The following TMEM87A variants were observed in gnomAD, a reference collection of about 807,000 sequenced individuals.
TMEM87A encodes the protein transmembrane protein 87A.
In TMEM87A, 50 loss-of-function variants were observed where a neutral mutation model predicts 90.0. The observed-to-expected ratio is 0.56, with a 90% CI of 0.44 to 0.70. TMEM87A has a LOEUF of 0.70. Among genes scored for constraint, TMEM87A ranks in the 30% least tolerant of loss-of-function variants. The pLI, the probability that TMEM87A is intolerant of heterozygous loss-of-function variation, is 0.00. For missense variants in TMEM87A, 577 were observed against 660.5 expected (o/e 0.87, Z 1.39); for synonymous variants, 226 against 226.7 (o/e 1.00, Z 0.03).
chr15:42,231,924 ACAG>A (rs1382950641), intron 11 of TMEM87A: 7 of 1,260,066 alleles, frequency 5.6e-6, no homozygotes, highest in Non-Finnish European at 5.2e-6. Context: ...TACTATAGCA[ACAG>A]CAGAAGAAAG....
chr15:42,231,869 G>A, intron 11 of TMEM87A: 1 of 1,278,096 alleles, frequency 7.8e-7, no homozygotes, highest in Non-Finnish European at 1.0e-6. Context: ...GGCGTCAATT[G>A]CTGAGAGGGC....
At chr15:42,212,865 G>C (rs1368857601) in intron 19 of TMEM87A, among the ~76,000 whole-genome samples, 1 of 152,058 alleles carries the variant, frequency 6.6e-6, no homozygotes, top group Non-Finnish European at 1.5e-5. Context: ...ATTCATTTAA[G>C]GTCTTTTTCA....
chr15:42,232,177 G>A (rs2050696372), intron 11 of TMEM87A, among the ~76,000 whole-genome samples: 2 of 152,084 alleles, frequency 1.3e-5, no homozygotes, highest in South Asian at 4.2e-4. Flanking sequence ...AATTGAAATG[G>A]CCTAGAGAAC....
chr15:42,241,010 T>C (rs2050856809), intron 7 of TMEM87A, among the ~76,000 whole-genome samples: 1 of 152,188 alleles, frequency 6.6e-6, no homozygotes, highest in Admixed American at 6.5e-5. Context: ...TAATAAAGTT[T>C]TATTGGAACA....
intron 6 of TMEM87A, among the ~76,000 whole-genome samples, chr15:42,248,327 G>T (rs112833900): frequency 0.065 from 9,835 of 152,212 alleles, 409 homozygotes; most frequent in South Asian, 0.16. Context: ...ATGTTGAATA[G>T]GAGTAGTGAG....
chr15:42,258,401 A>G (rs946360564), intron 6 of TMEM87A: 33 of 664,942 alleles, frequency 5.0e-5, no homozygotes, highest in Non-Finnish European at 5.8e-5. Context: ...ATATATACCT[A>G]TTAGTAAGAG....
chr15:42,218,307 T>C lies in TMEM87A; in HGVS notation c.1595+16A>G, dbSNP rs2050414932. On this transcript the variant is annotated intron_variant, in intron 18 of 19. Coordinates refer to ENST00000389834, the MANE Select transcript of TMEM87A (RefSeq NM_015497.5). ...CTTTGAAATAGGATTCTTGTGGTAA[T>C]CATTCAAAAACTTACACATCTGTCA... The C allele has an allele frequency of 6.2e-7, 1 of 1,612,886 alleles. No individual in the cohort carries two copies. The highest frequency in any genetic ancestry group is 1.3e-5 in the African/African-American group (1 of 74,894).
intron 12 of TMEM87A, 90 bp downstream of exon 12, chr15:42,231,102 C>A: frequency 7.1e-6 from 9 of 1,269,922 alleles, no homozygotes; most frequent in Non-Finnish European, 8.8e-6. Context: ...ATTAACAAAA[C>A]TGATAAAAAC....
intron 6 of TMEM87A, chr15:42,258,599 G>T: frequency 1.8e-6 from 1 of 542,118 alleles, no homozygotes; most frequent in African/African-American, 2.0e-5. Flanking sequence ...ACTAATTTTT[G>T]TATTTTTAGT....
chr15:42,231,541 C>T (rs1353753647), intron 11 of TMEM87A, among the ~76,000 whole-genome samples: 1 of 152,062 alleles, frequency 6.6e-6, no homozygotes, highest in African/African-American at 2.4e-5. Context: ...AACAAGTGAC[C>T]ATATTCCAAA....
chr15:42,273,217 C>T (rs768573666), intron 1 of TMEM87A, 38 bp downstream of exon 1: 16 of 1,610,544 alleles, frequency 9.9e-6, no homozygotes, highest in East Asian at 2.2e-5. Context: ...CCACCCCTTG[C>T]TCCTCTAGGT....
intron 15 of TMEM87A, among the ~76,000 whole-genome samples, chr15:42,225,909 G>C (rs958474938): frequency 6.6e-6 from 1 of 152,110 alleles, no homozygotes; most frequent in Non-Finnish European, 1.5e-5. Flanking sequence ...GTTTTATGGT[G>C]CTTCATTTTA....
chr15:42,264,006 G>C, intron 4 of TMEM87A, 84 bp downstream of exon 4: 1 of 971,690 alleles, frequency 1.0e-6, no homozygotes. Flanking sequence ...AAATACTTGA[G>C]AAGTCGGAAG....
At chr15:42,267,027 A>C (rs2051420418) in intron 3 of TMEM87A, among the ~76,000 whole-genome samples, 1 of 152,206 alleles carries the variant, frequency 6.6e-6, no homozygotes, top group Admixed American at 6.5e-5. Flanking sequence ...CTGCCAAAAT[A>C]AAATTTGAGA....
At chr15:42,246,960 T>A (rs145155732) in intron 6 of TMEM87A, among the ~76,000 whole-genome samples, 1 of 152,192 alleles carries the variant, frequency 6.6e-6, no homozygotes, top group Non-Finnish European at 1.5e-5. Flanking sequence ...CACCTGTTGT[T>A]TCCTGACTTT....
chr15:42,233,929 C>A (rs114769781), intron 10 of TMEM87A, among the ~76,000 whole-genome samples: 1,514 of 149,430 alleles, frequency 0.01, 26 homozygotes, highest in African/African-American at 0.036. Flanking sequence ...TCCCACTACA[C>A]CAGGCTAATT....
intron 19 of TMEM87A, among the ~76,000 whole-genome samples, chr15:42,215,068 C>T (rs558188481): frequency 2.0e-5 from 3 of 152,186 alleles, no homozygotes; most frequent in Non-Finnish European, 2.9e-5. Flanking sequence ...CTACATACCT[C>T]GGCTATATGT....
rs1474484552 is a variant in TMEM87A, at chr15:42,226,796, G to A, written c.1403+10C>T. 6.2e-7 allele frequency: 1 copy of A among 1,612,016 alleles called. No homozygotes were observed. Among genetic ancestry groups the A allele is most frequent in the Non-Finnish European group, 8.5e-7 (1 of 1,178,336 alleles). ...TCATGTTAGCAGAGTAAACAGAAGA[G>A]TCCAAGAACCTCTGGTTGTTTGCAG... On this transcript the variant is annotated intron_variant, in intron 15 of 19. Coordinates refer to ENST00000389834, the MANE Select transcript of TMEM87A (RefSeq NM_015497.5).
chr15:42,225,699 T>C (rs1044286148), intron 15 of TMEM87A, among the ~76,000 whole-genome samples: 1 of 152,080 alleles, frequency 6.6e-6, no homozygotes, highest in Non-Finnish European at 1.5e-5. Context: ...GCTCGGTTAA[T>C]TTTTGTATTT....
Sources: gnomAD v4.1 joint callset for allele counts (sites outside exome capture counted in the v4.1 genomes callset) on GRCh38, gnomAD v4.1.1 for gene constraint, MANE v1.5 for transcripts, NCBI Gene and HGNC (gene_info 2026-07-23, HGNC 2026-07-21) for gene names.